The following SVIL variants were observed in gnomAD, a reference collection of about 807,000 sequenced individuals.
The protein encoded by SVIL is supervillin, also known as archvillin.
A neutral mutation model predicts 240.4 loss-of-function variants in SVIL; 101 were observed. That is an observed-to-expected ratio of 0.42 (90% confidence interval 0.36 to 0.50). The LOEUF is 0.50. SVIL is among the 20% of genes least tolerant of loss of function. The probability of loss-of-function intolerance (pLI) is 0.01; values close to 1 mark genes in which losing one functional copy is unlikely to be tolerated. For synonymous variants in SVIL, 999 were observed against 1,100.0 expected (o/e 0.91, Z 1.82); for missense variants, 2,512 against 2,818.7 (o/e 0.89, Z 2.46).
At chr10:29,729,452 T>TA in intron 1 of SVIL, among the ~76,000 whole-genome samples, 1 of 8,322 alleles carries the variant, frequency 1.2e-4, no homozygotes, top group South Asian at 4.0e-3. Context: ...TTTATGGAGG[T>TA]GTGTGTGTGT....
rs188491039 is a variant in SVIL, at chr10:29,525,147, G to C, written c.2343-432C>G. Among the ~76,000 whole-genome samples the C allele has an allele frequency of 2.0e-5, 3 of 152,250 alleles. No homozygotes were observed. In the East Asian group the frequency reaches 5.8e-4, roughly 29 times the overall value. On this transcript the variant is annotated intron_variant, in intron 13 of 37. Transcript: ENST00000355867. ...TTTTAAATAATTAGGAAACGATATA[G>C]TCCTCTGTCAACAACATAACAGAAG...
chr10:29,527,838 G>A (rs1046907913), intron 12 of SVIL, among the ~76,000 whole-genome samples: 2 of 148,444 alleles, frequency 1.3e-5, no homozygotes, highest in African/African-American at 5.0e-5. Flanking sequence ...CATTTCTCCT[G>A]CCTCAGCCTC....
At chr10:29,467,933 AAT>A in intron 32 of SVIL, 58 bp from the exon 33 acceptor site, 1 of 1,561,706 alleles carries the variant, frequency 6.4e-7, no homozygotes, top group Non-Finnish European at 8.8e-7. Context: ...GGTGACCCAA[AAT>A]TATTATTACT....
intron 5 of SVIL, among the ~76,000 whole-genome samples, chr10:29,552,499 G>T (rs939381423): frequency 2.0e-5 from 3 of 148,910 alleles, no homozygotes; most frequent in African/African-American, 7.4e-5. Flanking sequence ...GGAGGCAGAG[G>T]TTGCAGTGAG....
At chr10:29,518,086 G>A (rs914184181) in intron 16 of SVIL, among the ~76,000 whole-genome samples, 7 of 152,050 alleles carry the variant, frequency 4.6e-5, no homozygotes, top group African/African-American at 1.7e-4. Context: ...TGTCAGAAAA[G>A]ATGAAAAAAA....
intron 1 of SVIL, among the ~76,000 whole-genome samples, chr10:29,630,586 T>G (rs1958046274): frequency 6.6e-6 from 1 of 152,088 alleles, no homozygotes; most frequent in Non-Finnish European, 1.5e-5. Context: ...TAGATGAGTT[T>G]CTTCATTTTA....
At chr10:29,528,259 C>G (rs570146948) in intron 12 of SVIL, among the ~76,000 whole-genome samples, 1 of 152,120 alleles carries the variant, frequency 6.6e-6, no homozygotes, top group African/African-American at 2.4e-5. Context: ...ACAAATGCAC[C>G]AAGAAACTGA....
At chr10:29,521,329 GA>G (rs1189618035) in intron 16 of SVIL, among the ~76,000 whole-genome samples, 1 of 152,098 alleles carries the variant, frequency 6.6e-6, no homozygotes. Flanking sequence ...AGAAAAATAA[GA>G]GTGGTCAGTG....
chr10:29,727,754 A>C (rs1964377524), intron 1 of SVIL, among the ~76,000 whole-genome samples: 1 of 148,884 alleles, frequency 6.7e-6, no homozygotes, highest in Non-Finnish European at 1.5e-5. Context: ...AAAAAAAAAA[A>C]AAGAAAAAGT....
chr10:29,471,120 G>T lies in SVIL; in HGVS notation c.5635+18C>A, dbSNP rs553879020. The T allele has an allele frequency of 2.5e-6, 4 of 1,604,320 alleles. No homozygotes were observed. In the South Asian group the frequency reaches 4.4e-5, roughly 18 times the overall value. On this transcript the variant is annotated intron_variant, in intron 31 of 37. Coordinates refer to ENST00000355867, the MANE Select transcript of SVIL (RefSeq NM_021738.3). ...GAGGGAAAGGCAAAGTCGAATTCCA[G>T]CAGTAAAAGTGACTTACTTTGCACA...
chr10:29,611,713 G>A (rs1957250851), intron 1 of SVIL, among the ~76,000 whole-genome samples: 1 of 152,162 alleles, frequency 6.6e-6, no homozygotes, highest in Non-Finnish European at 1.5e-5. Flanking sequence ...TCGTGCAGGT[G>A]AGGCAAAGGA....
intron 6 of SVIL, among the ~76,000 whole-genome samples, chr10:29,540,555 T>A (rs1952071399): frequency 6.6e-6 from 1 of 152,210 alleles, no homozygotes; most frequent in Non-Finnish European, 1.5e-5. Flanking sequence ...TTGGACCCAG[T>A]GCAGCAGGAC....
intron 1 of SVIL, among the ~76,000 whole-genome samples, chr10:29,693,163 T>C (rs1589524452): frequency 6.6e-6 from 1 of 152,280 alleles, no homozygotes; most frequent in East Asian, 1.9e-4. Context: ...ATCCTCATTT[T>C]ACAGATCAGG....
intron 2 of SVIL, among the ~76,000 whole-genome samples, chr10:29,663,794 G>C (rs185872628): frequency 6.6e-6 from 1 of 152,368 alleles, no homozygotes; most frequent in Admixed American, 6.5e-5. Flanking sequence ...GATGCGGAAA[G>C]ACTGACAGGG....
intron 1 of SVIL, among the ~76,000 whole-genome samples, chr10:29,584,556 G>A (rs750340101): frequency 6.6e-6 from 1 of 152,172 alleles, no homozygotes; most frequent in Admixed American, 6.5e-5. Context: ...AGCGGTTGTG[G>A]TTCTCCCACT....
intron 6 of SVIL, among the ~76,000 whole-genome samples, chr10:29,546,033 T>TA (rs201018238): frequency 0.052 from 7,918 of 152,084 alleles, 277 homozygotes; most frequent in Admixed American, 0.12. Context: ...CTCATAAAAG[T>TA]AAAAAATACA....
chr10:29,503,996 C>A (rs1949087955), intron 17 of SVIL, among the ~76,000 whole-genome samples: 7 of 152,146 alleles, frequency 4.6e-5, no homozygotes. Flanking sequence ...GATGAAAGAA[C>A]AGTCAAATAG....
In SVIL at chr10:29,622,394, G is replaced by A. The variant is rs555922961; in HGVS notation, c.-201+12026C>T. The stretch of plus-strand genomic sequence containing the variant: ...TCTCTTCTTATGATCATCCCGCCCG[G>A]CTCCACACACATTCTAAACTGTCAG... On this transcript the variant is annotated intron_variant, in intron 1 of 37. Coordinates refer to ENST00000355867, the MANE Select transcript of SVIL (RefSeq NM_021738.3). Among the ~76,000 whole-genome samples, 3 of 152,054 alleles carry A rather than the reference G, an allele frequency of 2.0e-5. No individual in the cohort carries two copies. In the East Asian group the frequency reaches 5.8e-4, roughly 29 times the overall value.
At chr10:29,645,899 A>C (rs1031700387) in intron 3 of SVIL, among the ~76,000 whole-genome samples, 1 of 152,206 alleles carries the variant, frequency 6.6e-6, no homozygotes, top group Non-Finnish European at 1.5e-5. Flanking sequence ...GGGAAGAGAG[A>C]AAATAAATAA....
Sources: allele counts gnomAD v4.1 joint callset (sites outside exome capture counted in the v4.1 genomes callset), GRCh38; gene constraint gnomAD v4.1.1; transcripts MANE v1.5; gene names NCBI Gene and HGNC (gene_info 2026-07-23, HGNC 2026-07-21).